PIKFYVE: variants seen among roughly 807,000 people sequenced by gnomAD.
The protein encoded by PIKFYVE is 1-phosphatidylinositol 3-phosphate 5-kinase.
Under a neutral mutation model 257.9 loss-of-function variants are expected in PIKFYVE, and 122 were observed. The observed-to-expected ratio is 0.47, with a 90% CI of 0.41 to 0.55. The LOEUF (loss-of-function observed/expected upper bound fraction) is 0.55, where lower values mean the gene tolerates loss of function less well. Ranked by LOEUF, PIKFYVE falls within the 20% of genes least tolerant of loss-of-function variation. PIKFYVE has a pLI of 0.00. For missense variants in PIKFYVE, 2,160 were observed against 2,536.6 expected (o/e 0.85, Z 3.19); for synonymous variants, 892 against 868.9 (o/e 1.03, Z -0.47).
At chr2:208,329,992 C>T (rs1172814976) in intron 22 of PIKFYVE, 79 bp downstream of exon 22, 27 of 1,555,350 alleles carry the variant, frequency 1.7e-5, no homozygotes, top group South Asian at 2.3e-5. Flanking sequence ...AAACATGAGT[C>T]GGATGTTAAG....
At position 208,288,808 on chromosome 2, in the gene PIKFYVE, G is replaced by A. The variant is rs1317931977; in HGVS notation, c.901G>A (p.Ala301Thr). The A allele has an allele frequency of 1.2e-6, 2 of 1,613,898 alleles. No homozygotes were observed. Among genetic ancestry groups the A allele is most frequent in the African/African-American group, 1.3e-5 (1 of 74,898 alleles). ...SVQEDAGKSPARNRSASITNL... is the reference protein window; with the variant it reads ...SVQEDAGKSPTRNRSASITNL... ...GCAAGAGGATGCTGGGAAATCTCCT[G>A]CTCGAAATAGGTAAACTGACAAATG... The change falls in exon 7 of 42, where the codon GCT becomes ACT. Residue 301 changes from alanine (A) to threonine (T), a missense_variant. Around this residue, in one of 12 missense-constraint regions of PIKFYVE, gnomAD observed 187 missense variants for 185.6 expected, o/e 1.01. Transcript: ENST00000264380.
In PIKFYVE at chr2:208,318,012, C is replaced by T. The variant is rs557510737; in HGVS notation, c.2082+71C>T. The T allele has an allele frequency of 1.3e-4, 189 of 1,437,478 alleles. No homozygotes were observed. In the African/African-American group the frequency reaches 2.3e-3, roughly 18 times the overall value. 89.0% of individuals were successfully genotyped at this position (1,437,478 alleles called of 1,614,324 possible). On this transcript the variant is annotated intron_variant, in intron 16 of 41. Coordinates refer to ENST00000264380, the MANE Select transcript of PIKFYVE (RefSeq NM_015040.4). ...TGTGCTTAGGTAACAAGTTGGGGCACCTTAGTTATGGAAGAAATGGACAAT... is the reference window on the plus strand; with the variant it reads ...TGTGCTTAGGTAACAAGTTGGGGCATCTTAGTTATGGAAGAAATGGACAAT...
At chr2:208,344,876 G>T (rs1322325940) in intron 32 of PIKFYVE, among the ~76,000 whole-genome samples, 3 of 151,964 alleles carry the variant, frequency 2.0e-5, no homozygotes, top group Non-Finnish European at 4.4e-5. Context: ...TTTGTTGAGG[G>T]TATTGATACT....
Position 208,347,882 on chromosome 2 carries a change from T to A in PIKFYVE, c.5233T>A (p.Ser1745Thr), listed in dbSNP as rs751466219. 1 of 1,613,690 alleles carries A rather than the reference T, an allele frequency of 6.2e-7. No homozygotes were observed. The highest frequency in any genetic ancestry group is 8.5e-7 in the Non-Finnish European group (1 of 1,179,808). The change falls in exon 35 of 42, where the codon TCC becomes ACC. Residue 1745 changes from serine to threonine, a missense_variant. Around this residue, in one of 12 missense-constraint regions of PIKFYVE, gnomAD observed 699 missense variants for 855.8 expected, o/e 0.82. Transcript: ENST00000264380. Reference sequence around the variant, plus strand: ...AGCCAAAAAGGCTTCTGGAATGTTGTCCTTCTTCAGAGGGACAGCAGGGAA... The same window carrying A: ...AGCCAAAAAGGCTTCTGGAATGTTGACCTTCTTCAGAGGGACAGCAGGGAA... ...QPTKKASGML[S>T]FFRGTAGKSP...
intron 14 of PIKFYVE, 72 bp from the exon 15 acceptor site, chr2:208,315,121 T>G: frequency 7.4e-7 from 1 of 1,350,006 alleles, no homozygotes; most frequent in Admixed American, 1.8e-5. Flanking sequence ...GTAGGCTGTT[T>G]GTTTTATCAT....
intron 19 of PIKFYVE, 109 bp downstream of exon 19, chr2:208,325,146 C>A: frequency 6.4e-7 from 1 of 1,565,470 alleles, no homozygotes; most frequent in Non-Finnish European, 8.8e-7. Context: ...TGAGGATAGG[C>A]AACTGTGATC....
Position 208,314,404 on chromosome 2 carries a change from C to G in PIKFYVE, c.1807C>G (p.Gln603Glu), listed in dbSNP as rs1050977023. Residue 603 changes from glutamine to glutamate, a missense_variant, in exon 14 of 42, where the codon CAA (glutamine) becomes GAA (glutamate). Coordinates refer to ENST00000264380, the MANE Select transcript of PIKFYVE (RefSeq NM_015040.4). ...ELLREENGEKQAMERLLSANH... is the reference protein window; with the variant it reads ...ELLREENGEKEAMERLLSANH... ...CCTGAGGGAGGAGAATGGGGAGAAACAAGCCATGGAGAGGTTGCTGTAAGG... is the reference window on the plus strand; with the variant it reads ...CCTGAGGGAGGAGAATGGGGAGAAAGAAGCCATGGAGAGGTTGCTGTAAGG... 5.0e-6 allele frequency: 8 copies of G among 1,613,786 alleles called. No individual in the cohort carries two copies. Among genetic ancestry groups the G allele is most frequent in the Admixed American group, 3.3e-5 (2 of 59,990 alleles).
chr2:208,308,487 A>G (rs576796810), intron 12 of PIKFYVE, among the ~76,000 whole-genome samples: 1 of 152,176 alleles, frequency 6.6e-6, no homozygotes, highest in South Asian at 2.1e-4. Flanking sequence ...TATACAATAC[A>G]CTATTATTAA....
At chr2:208,289,974 T>C (rs747924306) in intron 7 of PIKFYVE, among the ~76,000 whole-genome samples, 2 of 152,182 alleles carry the variant, frequency 1.3e-5, no homozygotes, top group Non-Finnish European at 2.9e-5. Context: ...TTATTTTTTA[T>C]AGCAGTTTTA....
At chr2:208,276,640 C>T in intron 3 of PIKFYVE, 72 bp from the exon 4 acceptor site, 1 of 1,075,490 alleles carries the variant, frequency 9.3e-7, no homozygotes, top group Non-Finnish European at 1.5e-6. Context: ...CAGTTTCCAT[C>T]ACATATATAC....
chr2:208,298,225 A>T (rs1693226085), intron 7 of PIKFYVE, among the ~76,000 whole-genome samples: 2 of 152,162 alleles, frequency 1.3e-5, no homozygotes, highest in African/African-American at 4.8e-5. Flanking sequence ...TTCTGCATTT[A>T]ATTTCATTCT....
rs1689425327 is a variant in PIKFYVE, at chr2:208,271,557, C to G, written c.38C>G (p.Ser13Cys). The change falls in exon 2 of 42, where the codon TCT becomes TGT. Residue 13 changes from serine to cysteine, a missense_variant. Coordinates refer to ENST00000264380, the MANE Select transcript of PIKFYVE (RefSeq NM_015040.4). ...GATAAGACGTCCCCAACACTGGACT[C>G]TGCTAATGATTTGCCTCGATCTCCT... ...TDDKTSPTLD[S>C]ANDLPRSPTS... The G allele has an allele frequency of 6.2e-7, 1 of 1,614,182 alleles. No individual in the cohort carries two copies. Among genetic ancestry groups the G allele is most frequent in the Middle Eastern group, 1.6e-4 (1 of 6,062 alleles).
intron 5 of PIKFYVE, among the ~76,000 whole-genome samples, chr2:208,285,199 A>G (rs2028877): frequency 0.94 from 142,771 of 152,236 alleles, 67,342 homozygotes; most frequent in Non-Finnish European, 0.98. Flanking sequence ...GGGTTCAAGC[A>G]ATTCTCCTGC....
At chr2:208,273,982 G>T in intron 3 of PIKFYVE, 1 of 1,600,804 alleles carries the variant, frequency 6.2e-7, no homozygotes, top group Non-Finnish European at 8.5e-7. Context: ...CAGATTTCTT[G>T]ACTATTTTTT....
rs1697441255 is a variant in PIKFYVE at position 208,330,746 on chromosome 2, A to AT, written c.3963+53dup. 9 of 1,459,920 alleles carry AT rather than the reference A, an allele frequency of 6.2e-6. No homozygotes were observed. The Admixed American group carries it at 6.6e-5, about 11-fold the overall frequency. 90.4% of individuals were successfully genotyped at this position (1,459,920 alleles called of 1,614,324 possible). On this transcript the variant is annotated intron_variant, in intron 23 of 41. Transcript: ENST00000264380. ...GTTTGCCATTTATTTCTTTATTTGTATGTTTTTTTTTTTTCCTGAGGAGGT... is the reference window on the plus strand; with the variant it reads ...GTTTGCCATTTATTTCTTTATTTGTATTGTTTTTTTTTTTTCCTGAGGAGGT...
intron 12 of PIKFYVE, among the ~76,000 whole-genome samples, chr2:208,306,439 C>A (rs1369214181): frequency 6.6e-6 from 1 of 152,202 alleles, no homozygotes; most frequent in African/African-American, 2.4e-5. Flanking sequence ...CTGGACACAT[C>A]TGTTGGCAAT....
intron 16 of PIKFYVE, 42 bp from the exon 17 acceptor site, chr2:208,320,210 G>A: frequency 6.3e-7 from 1 of 1,595,622 alleles, no homozygotes; most frequent in Non-Finnish European, 8.5e-7. Context: ...GCTGTAAAAT[G>A]CAAACCTTTA....
chr2:208,326,363 A>G lies in PIKFYVE; in HGVS notation c.3552A>G (p.Ser1184=), dbSNP rs1366577796. ...KDASSTSSGQ[S]GSKNEGDEER... ...CATCAAGTACTTCAAGTGGCCAATCAGGAAGCAAAAATGAGGGTGATGAAG... is the reference window on the plus strand; with the variant it reads ...CATCAAGTACTTCAAGTGGCCAATCGGGAAGCAAAAATGAGGGTGATGAAG... The change falls in exon 20 of 42, where the codon TCA becomes TCG. Residue 1184 remains serine, a synonymous_variant. Coordinates refer to ENST00000264380, the MANE Select transcript of PIKFYVE (RefSeq NM_015040.4). 3 of 1,613,968 alleles carry G rather than the reference A, an allele frequency of 1.9e-6. No individual in the cohort carries two copies. The highest frequency in any genetic ancestry group is 2.5e-6 in the Non-Finnish European group (3 of 1,179,954).
At chr2:208,310,228 A>C (rs1262066841) in intron 12 of PIKFYVE, among the ~76,000 whole-genome samples, 4 of 152,186 alleles carry the variant, frequency 2.6e-5, no homozygotes. Context: ...TCTGGTTTTC[A>C]TTCCCTTTGT....
Sources: gnomAD v4.1 joint callset for allele counts (sites outside exome capture counted in the v4.1 genomes callset) on GRCh38, gnomAD v4.1.1 for gene constraint, gnomAD v4.1.1 regional missense constraint, MANE v1.5 for transcripts, NCBI Gene and HGNC (gene_info 2026-07-23, HGNC 2026-07-21) for gene names.